The following TSPAN14 variants were observed in gnomAD, a reference collection of about 807,000 sequenced individuals.
TSPAN14 encodes the protein tetraspanin-14.
In TSPAN14, 16 loss-of-function variants were observed where a neutral mutation model predicts 36.6. The ratio of observed to expected loss-of-function variants is 0.44; its 90% CI spans 0.30 to 0.66. The LOEUF (loss-of-function observed/expected upper bound fraction) is 0.66, where lower values mean the gene tolerates loss of function less well. Ranked by LOEUF, TSPAN14 falls within the 30% of genes least tolerant of loss-of-function variation. The pLI, the probability that TSPAN14 is intolerant of heterozygous loss-of-function variation, is 0.12. For missense variants in TSPAN14, 231 were observed against 355.1 expected, an observed-to-expected ratio of 0.65 and a Z score of 2.81; for synonymous variants, 139 against 143.8, an observed-to-expected ratio of 0.97 and a Z score of 0.24.
At chr10:80,461,334 G>A (rs1845956970) in intron 1 of TSPAN14, among the ~76,000 whole-genome samples, 1 of 152,182 alleles carries the variant, frequency 6.6e-6, no homozygotes, top group Non-Finnish European at 1.5e-5. Context: ...CTTCCTAAAG[G>A]CTCTGTAGCC....
At chr10:80,505,774 C>T (rs940920738) in intron 3 of TSPAN14, among the ~76,000 whole-genome samples, 4 of 152,218 alleles carry the variant, frequency 2.6e-5, no homozygotes, top group Admixed American at 6.5e-5. Flanking sequence ...GGACTGCAGC[C>T]GCCTAACTGG....
chr10:80,474,981 C>G (rs904560145), intron 1 of TSPAN14, among the ~76,000 whole-genome samples: 2 of 152,134 alleles, frequency 1.3e-5, no homozygotes, highest in African/African-American at 4.8e-5. Context: ...CAGCAAGCTC[C>G]TGAAATGGGC....
At chr10:80,457,246 C>T (rs1218386964) in intron 1 of TSPAN14, among the ~76,000 whole-genome samples, 5 of 151,388 alleles carry the variant, frequency 3.3e-5, no homozygotes, top group Non-Finnish European at 5.9e-5. Flanking sequence ...AGTGCAGTGG[C>T]GTGATCTCGG....
At chr10:80,511,814 CCTTT>C (rs1004942519) in intron 5 of TSPAN14, among the ~76,000 whole-genome samples, 1 of 121,584 alleles carries the variant, frequency 8.2e-6, no homozygotes, top group East Asian at 2.7e-4. Flanking sequence ...CTCTCTCTTT[CCTTT>C]CTTTCTTTCT....
intron 2 of TSPAN14, among the ~76,000 whole-genome samples, chr10:80,492,346 A>G (rs1847963445): frequency 6.6e-6 from 1 of 152,114 alleles, no homozygotes; most frequent in African/African-American, 2.4e-5. Flanking sequence ...TTTTATTTGT[A>G]TTTTGTTTAA....
intron 7 of TSPAN14, 76 bp downstream of exon 7, chr10:80,514,139 C>T: frequency 2.9e-6 from 4 of 1,391,352 alleles, no homozygotes; most frequent in Non-Finnish European, 3.0e-6. Context: ...TGATTTAGCA[C>T]GAGTGCAAAT....
intron 8 of TSPAN14, among the ~76,000 whole-genome samples, chr10:80,517,292 A>AAGGACTG (rs1167646348): frequency 6.6e-6 from 1 of 152,252 alleles, no homozygotes; most frequent in Non-Finnish European, 1.5e-5. Flanking sequence ...CAGACTTCAG[A>AAGGACTG]AGGACTGACT....
rs540605439 is a variant in TSPAN14, at chr10:80,509,204, C to T, written c.280-97C>T. 7.3e-7 allele frequency: 1 copy of T among 1,373,100 alleles called. No homozygotes were observed. 85.1% of individuals were successfully genotyped at this position (1,373,100 alleles called of 1,614,324 possible). A position where few individuals can be genotyped will look rare whatever the true frequency, so the allele number is the denominator to read the frequency against. ...GACTCTCAGGTGCAGAGCCCACGCT[C>T]TGCTGAGGATGGTGGTTCTGGGTCA... On this transcript the variant is annotated intron_variant, in intron 4 of 8. Transcript: ENST00000429989. This position sits in a 1 kb window ranked among gnomAD's most constrained non-coding sequence, Gnocchi z 4.7.
At chr10:80,484,465 C>T (rs1414859179) in intron 1 of TSPAN14, among the ~76,000 whole-genome samples, 1 of 152,138 alleles carries the variant, frequency 6.6e-6, no homozygotes, top group Non-Finnish European at 1.5e-5. Context: ...GCTGGGACTT[C>T]AGTCACCACA....
intron 3 of TSPAN14, among the ~76,000 whole-genome samples, chr10:80,505,429 G>A (rs1840234065): frequency 6.6e-6 from 1 of 152,214 alleles, no homozygotes; most frequent in African/African-American, 2.4e-5. Context: ...AAAGGCCAGG[G>A]AGGGAAGAGG....
chr10:80,462,867 C>A (rs192390595), intron 1 of TSPAN14, among the ~76,000 whole-genome samples: 1 of 152,122 alleles, frequency 6.6e-6, no homozygotes, highest in Non-Finnish European at 1.5e-5. Flanking sequence ...ACTAGGACCT[C>A]GAGCTCCACT....
chr10:80,487,342 C>T (rs373508052), intron 1 of TSPAN14, among the ~76,000 whole-genome samples: 12 of 152,066 alleles, frequency 7.9e-5, no homozygotes, highest in East Asian at 1.9e-4. Context: ...GGGGACTTGT[C>T]GGAAATGCAG....
At chr10:80,492,230 A>G (rs960664261) in intron 2 of TSPAN14, among the ~76,000 whole-genome samples, 6 of 152,216 alleles carry the variant, frequency 3.9e-5, no homozygotes, top group African/African-American at 1.4e-4. Flanking sequence ...GTAGGATAAT[A>G]AAATGAACTC....
chr10:80,489,083 A>G (rs1475894099), intron 1 of TSPAN14, 134 bp from the exon 2 acceptor site: 2 of 611,976 alleles, frequency 3.3e-6, no homozygotes, highest in Non-Finnish European at 5.8e-6. Flanking sequence ...CCTTGGTATC[A>G]GGCCTCTGCT....
exon 4 of TSPAN14, chr10:80,507,272 C>T (rs769617352): frequency 2.0e-5 from 32 of 1,614,088 alleles, no homozygotes; most frequent in South Asian, 2.0e-4. Flanking sequence ...TGCATGGAAT[C>T]GACCCTGTGG....
At chr10:80,480,627 G>T (rs1344056466) in intron 1 of TSPAN14, among the ~76,000 whole-genome samples, 1 of 152,174 alleles carries the variant, frequency 6.6e-6, no homozygotes, top group Non-Finnish European at 1.5e-5. Context: ...CATGTCCTTT[G>T]TAGGGACATG....
At chr10:80,461,130 C>T (rs1191397223) in intron 1 of TSPAN14, among the ~76,000 whole-genome samples, 1 of 152,128 alleles carries the variant, frequency 6.6e-6, no homozygotes, top group African/African-American at 2.4e-5. Flanking sequence ...CCTTTTCTCT[C>T]TGGCCCTCCT....
chr10:80,471,536 G>C (rs879472795), intron 1 of TSPAN14, among the ~76,000 whole-genome samples: 1 of 152,252 alleles, frequency 6.6e-6, no homozygotes, highest in Admixed American at 6.5e-5. Context: ...AAAGGATTCT[G>C]TGTATAGACA....
At chr10:80,454,399 G>A (rs1845632406) in intron 1 of TSPAN14, 28 bp downstream of exon 1, 1 of 152,438 alleles carries the variant, frequency 6.6e-6, no homozygotes, top group Non-Finnish European at 1.5e-5. Context: ...ACCTGGCTGG[G>A]GCGTCGGGCC....
Sources: gnomAD v4.1 joint callset for allele counts (sites outside exome capture counted in the v4.1 genomes callset) on GRCh38, gnomAD v4.1.1 for gene constraint, Gnocchi (gnomAD v3.1) non-coding constraint, MANE v1.5 for transcripts, NCBI Gene and HGNC (gene_info 2026-07-23, HGNC 2026-07-21) for gene names.